Variants in KDM4D observed in about 807,000 individuals in gnomAD.
The protein encoded by KDM4D is lysine demethylase 4D.
For missense variants in KDM4D, 427 were observed against 674.8 expected (o/e 0.63, Z 4.07); for synonymous variants, 254 against 249.1 (o/e 1.02, Z -0.19).
At chr11:94,975,212 A>C (rs1857787047) in intron 1 of KDM4D, among the ~76,000 whole-genome samples, 1 of 152,194 alleles carries the variant, frequency 6.6e-6, no homozygotes, top group Non-Finnish European at 1.5e-5. Context: ...TATCACAGTG[A>C]GGTTTTCCTA....
Position 94,997,551 on chromosome 11 carries a change from G to C in KDM4D, c.179G>C (p.Arg60Thr), listed in dbSNP as rs1857985401. The change falls in exon 3 of 3, where the codon AGA (arginine) becomes ACA (threonine). Residue 60 changes from arginine to threonine, a missense_variant. Transcript: ENST00000335080. ...KIIPPKEWKA[R>T]ETYDNISEIL... is the part of the protein sequence containing the mutation. ...ATTCCACCCAAAGAATGGAAAGCCA[G>C]AGAGACCTATGATAATATCAGTGAA... 1.9e-6 allele frequency: 3 copies of C among 1,614,004 alleles called. No individual in the cohort carries two copies. Among genetic ancestry groups the C allele is most frequent in the South Asian group, 2.2e-5 (2 of 91,044 alleles).
chr11:94,975,374 C>G (rs1035295063), intron 1 of KDM4D, among the ~76,000 whole-genome samples: 1 of 152,160 alleles, frequency 6.6e-6, no homozygotes, highest in African/African-American at 2.4e-5. Flanking sequence ...AGAAAAGGAT[C>G]TTCAGCCTGC....
At chr11:94,977,866 A>T (rs1857810731) in intron 2 of KDM4D, among the ~76,000 whole-genome samples, 1 of 152,208 alleles carries the variant, frequency 6.6e-6, no homozygotes, top group Non-Finnish European at 1.5e-5. Context: ...AACAGTTTCC[A>T]TATGAGTGAA....
At chr11:94,995,802 T>C (rs1035128824) in intron 2 of KDM4D, among the ~76,000 whole-genome samples, 1 of 152,198 alleles carries the variant, frequency 6.6e-6, no homozygotes, top group South Asian at 2.1e-4. Context: ...AGGATAGATA[T>C]AATGGTTCAT....
chr11:94,976,498 A>G (rs888003425), intron 2 of KDM4D, among the ~76,000 whole-genome samples: 3 of 151,370 alleles, frequency 2.0e-5, no homozygotes, highest in Non-Finnish European at 4.4e-5. Context: ...GGTGACCCAC[A>G]CTCTCCCTTG....
chr11:94,986,960 A>G (rs587631205), intron 2 of KDM4D, among the ~76,000 whole-genome samples: 3 of 152,390 alleles, frequency 2.0e-5, no homozygotes, highest in East Asian at 1.9e-4. Context: ...CAGTATATCC[A>G]TACCATAGAT....
At chr11:94,986,450 C>T (rs587746840) in intron 2 of KDM4D, among the ~76,000 whole-genome samples, 61 of 151,912 alleles carry the variant, frequency 4.0e-4, no homozygotes, top group African/African-American at 1.4e-3. Flanking sequence ...AAAAAATTAG[C>T]CAGGCATGGT....
chr11:94,990,963 A>G (rs1857929718), intron 2 of KDM4D, among the ~76,000 whole-genome samples: 1 of 152,222 alleles, frequency 6.6e-6, no homozygotes, highest in Non-Finnish European at 1.5e-5. Context: ...AGAGTGAGGA[A>G]AAAGGTGGCC....
At chr11:94,981,040 A>T (rs1475320545) in intron 2 of KDM4D, among the ~76,000 whole-genome samples, 2 of 152,128 alleles carry the variant, frequency 1.3e-5, no homozygotes, top group Non-Finnish European at 2.9e-5. Flanking sequence ...GATTTGGCTG[A>T]AGGTTTTGGA....
chr11:94,978,319 A>G (rs1555097220), intron 2 of KDM4D, among the ~76,000 whole-genome samples: 1 of 151,830 alleles, frequency 6.6e-6, no homozygotes, highest in African/African-American at 2.4e-5. Context: ...AAATGCCCAC[A>G]TGTCAGAAAT....
chr11:94,987,642 T>TA (rs1220605059), intron 2 of KDM4D, among the ~76,000 whole-genome samples: 1 of 152,020 alleles, frequency 6.6e-6, no homozygotes, highest in Non-Finnish European at 1.5e-5. Context: ...TAACTAGACA[T>TA]ACGAGGAAAA....
intron 2 of KDM4D, among the ~76,000 whole-genome samples, chr11:94,993,235 T>C (rs922173289): frequency 9.9e-5 from 15 of 152,222 alleles, no homozygotes; most frequent in Admixed American, 6.5e-5. Flanking sequence ...GTATTATTTT[T>C]TAATTATTCT....
chr11:94,992,162 TAAACATGAA>T (rs1857940491), intron 2 of KDM4D, among the ~76,000 whole-genome samples: 1 of 152,020 alleles, frequency 6.6e-6, no homozygotes, highest in African/African-American at 2.4e-5. Context: ...TATAACTTTC[TAAACATGAA>T]AAACATGAAA....
At chr11:94,975,493 T>C (rs1857790205) in intron 1 of KDM4D, among the ~76,000 whole-genome samples, 161 bp from the exon 2 acceptor site, 1 of 152,188 alleles carries the variant, frequency 6.6e-6, no homozygotes, top group African/African-American at 2.4e-5. Context: ...ATGGGCGTAA[T>C]TCTAGTCCCT....
chr11:94,976,512 T>C (rs587684137), intron 2 of KDM4D, among the ~76,000 whole-genome samples: 2 of 152,352 alleles, frequency 1.3e-5, no homozygotes, highest in South Asian at 4.1e-4. Flanking sequence ...TCCCTTGTGC[T>C]CTGGGTCCTA....
chr11:94,994,619 G>A (rs587723612), intron 2 of KDM4D, among the ~76,000 whole-genome samples: 1 of 152,078 alleles, frequency 6.6e-6, no homozygotes, highest in African/African-American at 2.4e-5. Context: ...TTAGGAGGAA[G>A]GGGGAGGTGT....
chr11:94,982,915 A>C (rs1555097738), intron 2 of KDM4D, among the ~76,000 whole-genome samples: 1 of 152,062 alleles, frequency 6.6e-6, no homozygotes, highest in Non-Finnish European at 1.5e-5. Flanking sequence ...TGCAGGAGCT[A>C]TGAAAATACA....
At chr11:94,986,636 T>C (rs1171139956) in intron 2 of KDM4D, among the ~76,000 whole-genome samples, 1 of 152,146 alleles carries the variant, frequency 6.6e-6, no homozygotes, top group African/African-American at 2.4e-5. Flanking sequence ...TACGACTTTT[T>C]ACCTGCTAGA....
chr11:94,990,494 A>G (rs1590968055), intron 2 of KDM4D, among the ~76,000 whole-genome samples: 1 of 152,266 alleles, frequency 6.6e-6, no homozygotes, highest in East Asian at 2.0e-4. Flanking sequence ...GAAAATTGAG[A>G]GAGAAATTTG....
Sources: allele counts gnomAD v4.1 joint callset (sites outside exome capture counted in the v4.1 genomes callset), GRCh38; gene constraint gnomAD v4.1.1; transcripts MANE v1.5; gene names NCBI Gene and HGNC (gene_info 2026-07-23, HGNC 2026-07-21).